Variants in JAKMIP2 observed in about 807,000 individuals in gnomAD.
JAKMIP2 encodes the protein janus kinase and microtubule interacting protein 2, also known as janus kinase and microtubule-interacting protein 2.
JAKMIP2 carries 25 observed loss-of-function variants against 115.0 expected under a neutral mutation model. The observed-to-expected ratio is 0.22, with a 90% CI of 0.16 to 0.30. The LOEUF is 0.30. JAKMIP2 is among the 10% of genes least tolerant of loss of function. JAKMIP2 has a pLI of 1.00. For missense variants in JAKMIP2, 642 were observed against 957.6 expected (o/e 0.67, Z 4.35); for synonymous variants, 334 against 343.6 (o/e 0.97, Z 0.31).
At position 147,588,612 on chromosome 5, in the gene JAKMIP2, G is replaced by C. The variant is rs573140126; in HGVS notation, c.*3095C>G. 4 of 152,052 alleles carry C rather than the reference G, an allele frequency of 2.6e-5. No individual in the cohort carries two copies. The South Asian group carries it at 8.3e-4, about 32-fold the overall frequency. The allele number at this position is 152,052 out of a possible 1,614,324, so 9.4% of individuals were successfully genotyped here. A position where few individuals can be genotyped will look rare whatever the true frequency, so the allele number is the denominator to read the frequency against. ...TATTCAAGGATATATTCATTTTGAGGCTCATGAGCAAGAGTTGGTAAAAAT... is the reference window on the plus strand; with the variant it reads ...TATTCAAGGATATATTCATTTTGAGCCTCATGAGCAAGAGTTGGTAAAAAT... On this transcript the variant is annotated 3_prime_UTR_variant, in exon 22 of 22. Transcript: ENST00000616793.
intron 2 of JAKMIP2, among the ~76,000 whole-genome samples, chr5:147,666,660 A>C (rs1315193539): frequency 6.6e-6 from 1 of 152,240 alleles, no homozygotes; most frequent in Non-Finnish European, 1.5e-5. Flanking sequence ...ATTGTGGGCC[A>C]GGAGCTGGCT....
At chr5:147,769,200 T>C (rs1290035713) in intron 1 of JAKMIP2, among the ~76,000 whole-genome samples, 1 of 152,072 alleles carries the variant, frequency 6.6e-6, no homozygotes, top group Non-Finnish European at 1.5e-5. Context: ...CACACAGTCC[T>C]CCCCGGAGTT....
chr5:147,636,157 C>G (rs1757606826), intron 12 of JAKMIP2, 65 bp downstream of exon 12: 1 of 1,354,398 alleles, frequency 7.4e-7, no homozygotes, highest in Non-Finnish European at 1.1e-6. Flanking sequence ...GAGAGCACCC[C>G]CTGCTGCTCC....
rs139186183 is a variant in JAKMIP2, at chr5:147,627,400, G to C, written c.1995+1351C>G. ...AAGGACCAAGAGTGGAGAATGGAGA[G>C]AGAAAGAGAGAGAGAATGGAGGGAG... On this transcript the variant is annotated intron_variant, in intron 16 of 21. Coordinates refer to ENST00000616793, the MANE Select transcript of JAKMIP2 (RefSeq NM_001270941.2). Among the ~76,000 whole-genome samples, 681 of 152,052 alleles carry C rather than the reference G, an allele frequency of 4.5e-3. 2 individuals are homozygous for C. The highest frequency in any genetic ancestry group is 0.015 in the African/African-American group (631 of 41,484).
intron 1 of JAKMIP2, among the ~76,000 whole-genome samples, chr5:147,715,344 A>G (rs1246096898): frequency 1.3e-5 from 2 of 151,886 alleles, no homozygotes; most frequent in Admixed American, 6.6e-5. Flanking sequence ...AAATATACCA[A>G]TTAAAAGATA....
chr5:147,606,488 G>GT (rs1467688602), intron 20 of JAKMIP2, among the ~76,000 whole-genome samples: 24 of 152,230 alleles, frequency 1.6e-4, no homozygotes, highest in African/African-American at 5.1e-4. Flanking sequence ...AGATCCGATG[G>GT]TTGTAGATGT....
intron 19 of JAKMIP2, among the ~76,000 whole-genome samples, chr5:147,617,037 T>G (rs1414192565): frequency 6.6e-6 from 1 of 152,202 alleles, no homozygotes; most frequent in Non-Finnish European, 1.5e-5. Flanking sequence ...TACTATAACC[T>G]GACACTTTCA....
chr5:147,656,902 G>T (rs1442906890), intron 3 of JAKMIP2, among the ~76,000 whole-genome samples: 3 of 152,092 alleles, frequency 2.0e-5, no homozygotes, highest in Non-Finnish European at 4.4e-5. Flanking sequence ...ATATTTGCTT[G>T]TCTGGAAAGG....
intron 1 of JAKMIP2, among the ~76,000 whole-genome samples, chr5:147,690,164 A>G (rs560996018): frequency 2.0e-5 from 3 of 152,154 alleles, no homozygotes; most frequent in African/African-American, 7.2e-5. Context: ...AGCCTAGGCA[A>G]CATTGTGAAA....
At chr5:147,662,161 T>TACACACACACACACAC (rs61492351) in intron 2 of JAKMIP2, among the ~76,000 whole-genome samples, 196 of 147,132 alleles carry the variant, frequency 1.3e-3, no homozygotes, top group African/African-American at 4.4e-3. Context: ...CCCCAAGTTT[T>TACACACACACACACAC]ACACACACAC....
intron 2 of JAKMIP2, among the ~76,000 whole-genome samples, chr5:147,663,458 TC>T (rs1759137632): frequency 6.6e-6 from 1 of 152,180 alleles, no homozygotes; most frequent in African/African-American, 2.4e-5. Flanking sequence ...GATATCAGAC[TC>T]CAAGTTCTTC....
At position 147,644,047 on chromosome 5, in the gene JAKMIP2, T is replaced by C. The variant is rs1758005109; in HGVS notation, c.1224+11A>G. ...GAACAACTTAGGGTTTACAGATTGA[T>C]TGACACGTACCCTTGTGAGCTCATC... On this transcript the variant is annotated intron_variant, in intron 7 of 21. Transcript: ENST00000616793. 3 of 1,535,224 alleles carry C rather than the reference T, an allele frequency of 2.0e-6. No homozygotes were observed. The highest frequency in any genetic ancestry group is 2.6e-5 in the South Asian group (2 of 75,844).
chr5:147,679,047 C>T (rs1304957681), intron 1 of JAKMIP2, among the ~76,000 whole-genome samples: 1 of 152,138 alleles, frequency 6.6e-6, no homozygotes, highest in African/African-American at 2.4e-5. Context: ...GTGGCACAAT[C>T]TTGGATCACT....
intron 1 of JAKMIP2, among the ~76,000 whole-genome samples, chr5:147,721,533 G>C (rs1275058846): frequency 6.6e-6 from 1 of 152,240 alleles, no homozygotes; most frequent in Non-Finnish European, 1.5e-5. Flanking sequence ...CGAGCCAGGT[G>C]CGGGGTATAA....
At chr5:147,633,661 T>C (rs1044347266) in intron 12 of JAKMIP2, among the ~76,000 whole-genome samples, 1 of 152,074 alleles carries the variant, frequency 6.6e-6, no homozygotes, top group Non-Finnish European at 1.5e-5. Context: ...CACCTTCCCC[T>C]GTAGACAGGG....
intron 1 of JAKMIP2, among the ~76,000 whole-genome samples, chr5:147,686,630 A>C (rs1198089286): frequency 6.6e-6 from 1 of 152,162 alleles, no homozygotes; most frequent in Non-Finnish European, 1.5e-5. Context: ...TATCATTGGC[A>C]AGAGTAAAGA....
chr5:147,596,790 A>G (rs112555562), intron 21 of JAKMIP2, among the ~76,000 whole-genome samples: 1,573 of 152,324 alleles, frequency 0.01, 28 homozygotes, highest in African/African-American at 0.036. Flanking sequence ...CACAAAAAGG[A>G]ATTACTAACT....
chr5:147,775,850 T>G (rs1218490159), intron 1 of JAKMIP2, among the ~76,000 whole-genome samples: 1 of 152,174 alleles, frequency 6.6e-6, no homozygotes, highest in Non-Finnish European at 1.5e-5. Flanking sequence ...AAGGCATTCG[T>G]TACAATTGGT....
intron 17 of JAKMIP2, among the ~76,000 whole-genome samples, chr5:147,623,141 T>A (rs961037134): frequency 1.3e-5 from 2 of 152,048 alleles, no homozygotes; most frequent in African/African-American, 4.8e-5. Flanking sequence ...TCTCCAACTC[T>A]TGCGCTCAAG....
Sources: allele counts gnomAD v4.1 joint callset (sites outside exome capture counted in the v4.1 genomes callset), GRCh38; gene constraint gnomAD v4.1.1; transcripts MANE v1.5; gene names NCBI Gene and HGNC (gene_info 2026-07-23, HGNC 2026-07-21).